The following TMTC2 variants were observed in gnomAD, a reference collection of about 807,000 sequenced individuals.
The protein encoded by TMTC2 is protein O-mannosyl-transferase TMTC2.
TMTC2 carries 43 observed loss-of-function variants against 82.4 expected under a neutral mutation model. That is an observed-to-expected ratio of 0.52 (90% CI 0.41 to 0.67). The LOEUF (loss-of-function observed/expected upper bound fraction) is 0.67, where lower values mean the gene tolerates loss of function less well. TMTC2 is among the 30% of genes least tolerant of loss of function. The pLI is 0.00. For synonymous variants in TMTC2, 408 were observed against 381.9 expected, an observed-to-expected ratio of 1.07 and a Z score of -0.80; for missense variants, 919 against 1,012.4, an observed-to-expected ratio of 0.91 and a Z score of 1.25.
At chr12:82,922,123 T>C (rs1240066165) in intron 3 of TMTC2, among the ~76,000 whole-genome samples, 1 of 152,100 alleles carries the variant, frequency 6.6e-6, no homozygotes, top group African/African-American at 2.4e-5. Context: ...AAAGCATTTG[T>C]AACTGTTATT....
intron 1 of TMTC2, among the ~76,000 whole-genome samples, chr12:82,792,085 G>A (rs539980331): frequency 6.6e-6 from 1 of 152,148 alleles, no homozygotes; most frequent in Admixed American, 6.5e-5. Context: ...AGGTAGAGGG[G>A]AAAGAGTGTG....
intron 9 of TMTC2, among the ~76,000 whole-genome samples, chr12:83,033,491 G>A (rs552837426): frequency 3.3e-5 from 5 of 152,198 alleles, no homozygotes; most frequent in East Asian, 3.9e-4. Flanking sequence ...GGCGGCTCAC[G>A]CCTGCAATCC....
chr12:82,802,158 TGCCCCGTGGGGAGGCAGCTAAG>T (rs1429784827), intron 1 of TMTC2, among the ~76,000 whole-genome samples: 1 of 152,100 alleles, frequency 6.6e-6, no homozygotes, highest in African/African-American at 2.4e-5. Flanking sequence ...TCCCGAGCCC[TGCCCCGTGGGGAGGCAGCTAAG>T]GCCCCGTGAG....
chr12:82,800,296 G>C (rs1878930326), intron 1 of TMTC2, among the ~76,000 whole-genome samples: 1 of 152,166 alleles, frequency 6.6e-6, no homozygotes, highest in African/African-American at 2.4e-5. Context: ...GCCTCTTGCA[G>C]ATATTGGGAA....
intron 3 of TMTC2, among the ~76,000 whole-genome samples, chr12:82,920,825 A>G (rs867126914): frequency 2.0e-5 from 3 of 152,280 alleles, no homozygotes; most frequent in Middle Eastern, 3.4e-3. Context: ...TCTCTGTCAC[A>G]TGTAAAGTAT....
intron 1 of TMTC2, among the ~76,000 whole-genome samples, chr12:82,779,676 A>C (rs992614099): frequency 3.9e-5 from 6 of 152,134 alleles, no homozygotes; most frequent in Non-Finnish European, 7.4e-5. Flanking sequence ...AGACAGGTGG[A>C]TCACCTGAGG....
intron 1 of TMTC2, among the ~76,000 whole-genome samples, chr12:82,847,850 AGGAGTTGAT>A (rs1303772715): frequency 1.3e-5 from 2 of 152,100 alleles, no homozygotes; most frequent in Non-Finnish European, 2.9e-5. Flanking sequence ...AATGTAAATG[AGGAGTTGAT>A]GGGTGCAGCA....
intron 3 of TMTC2, among the ~76,000 whole-genome samples, chr12:82,911,027 T>C (rs1247328179): frequency 2.0e-5 from 3 of 151,902 alleles, no homozygotes; most frequent in Admixed American, 6.6e-5. Flanking sequence ...ACTACAGGCG[T>C]CCGCCACCAT....
chr12:83,129,325 T>A (rs1349734263), intron 11 of TMTC2, among the ~76,000 whole-genome samples: 1 of 152,222 alleles, frequency 6.6e-6, no homozygotes, highest in African/African-American at 2.4e-5. Flanking sequence ...ATTATTTTTG[T>A]TTAATGAGTA....
chr12:82,869,242 C>T (rs1301912031), intron 2 of TMTC2, among the ~76,000 whole-genome samples: 1 of 152,046 alleles, frequency 6.6e-6, no homozygotes, highest in Non-Finnish European at 1.5e-5. Context: ...TTATTTTAGA[C>T]TAGAGATGAC....
intron 1 of TMTC2, among the ~76,000 whole-genome samples, chr12:82,834,665 C>T (rs1869932224): frequency 6.6e-6 from 1 of 152,132 alleles, no homozygotes; most frequent in Admixed American, 6.5e-5. Context: ...TGACATGATT[C>T]CAAAGTGTCC....
At chr12:82,770,917 A>C (rs1877265377) in intron 1 of TMTC2, among the ~76,000 whole-genome samples, 1 of 152,180 alleles carries the variant, frequency 6.6e-6, no homozygotes, top group Admixed American at 6.6e-5. Flanking sequence ...GGAACACAGT[A>C]AAGAGTTGTT....
chr12:82,876,019 TAGTGGTGGC>T (rs1872471749), intron 2 of TMTC2, among the ~76,000 whole-genome samples: 5 of 125,778 alleles, frequency 4.0e-5, no homozygotes, highest in Non-Finnish European at 6.7e-5. Flanking sequence ...GTAATGGTAG[TAGTGGTGGC>T]GGTGGTGGTG....
intron 11 of TMTC2, among the ~76,000 whole-genome samples, chr12:83,064,410 A>G (rs117320602): frequency 0.025 from 3,785 of 152,096 alleles, 71 homozygotes; most frequent in Non-Finnish European, 0.035. Flanking sequence ...ATGTTTATTC[A>G]AATGATACTT....
chr12:82,912,836 G>T (rs369429119), intron 3 of TMTC2, among the ~76,000 whole-genome samples: 1 of 151,646 alleles, frequency 6.6e-6, no homozygotes, highest in Admixed American at 6.6e-5. Flanking sequence ...TACTTGGGGG[G>T]CTGAGGTGGG....
At chr12:82,753,202 A>T (rs1876111317) in intron 1 of TMTC2, among the ~76,000 whole-genome samples, 1 of 152,090 alleles carries the variant, frequency 6.6e-6, no homozygotes. Context: ...TACCCTCAGG[A>T]GCCAGGTCAT....
intron 2 of TMTC2, among the ~76,000 whole-genome samples, chr12:82,879,416 C>T (rs7134264): frequency 0.15 from 22,096 of 152,212 alleles, 4,900 homozygotes; most frequent in African/African-American, 0.48. Flanking sequence ...CTAGATCCCT[C>T]GCATGTGCAG....
At chr12:82,779,502 A>G (rs958364121) in intron 1 of TMTC2, among the ~76,000 whole-genome samples, 8 of 152,192 alleles carry the variant, frequency 5.3e-5, no homozygotes, top group Admixed American at 6.5e-5. Flanking sequence ...CTGTTATTCT[A>G]TGATCAACAA....
At chr12:83,129,358 A>G (rs144030838) in intron 11 of TMTC2, among the ~76,000 whole-genome samples, 3 of 152,170 alleles carry the variant, frequency 2.0e-5, no homozygotes, top group African/African-American at 4.8e-5. Context: ...GGATAATGCA[A>G]AATTAAAGTG....
Sources: gnomAD v4.1 joint callset for allele counts (sites outside exome capture counted in the v4.1 genomes callset) on GRCh38, gnomAD v4.1.1 for gene constraint, MANE v1.5 for transcripts, NCBI Gene and HGNC (gene_info 2026-07-23, HGNC 2026-07-21) for gene names.